KLHL6: variants seen among roughly 807,000 people sequenced by gnomAD.
The protein encoded by KLHL6 is kelch like family member 6, also known as kelch-like protein 6.
KLHL6 carries 41 observed loss-of-function variants against 58.6 expected under a neutral mutation model. The ratio of observed to expected loss-of-function variants is 0.70; its 90% confidence interval spans 0.55 to 0.91. KLHL6 has a LOEUF of 0.91. KLHL6 is among the 40% of genes least tolerant of loss of function. KLHL6 has a pLI of 0.00. For synonymous variants in KLHL6, 338 were observed against 322.7 expected (o/e 1.05, Z -0.51); for missense variants, 714 against 805.6 (o/e 0.89, Z 1.38).
intron 4 of KLHL6, among the ~76,000 whole-genome samples, chr3:183,496,460 T>G (rs1407924049): frequency 6.6e-6 from 1 of 152,332 alleles, no homozygotes; most frequent in East Asian, 1.9e-4. Context: ...AATTCACATA[T>G]GACCACTTCC....
intron 2 of KLHL6, among the ~76,000 whole-genome samples, chr3:183,511,234 G>A (rs1286827324): frequency 6.6e-6 from 1 of 152,256 alleles, no homozygotes; most frequent in Non-Finnish European, 1.5e-5. Flanking sequence ...GAGGTACTAT[G>A]CCTGGACGTG....
rs199528524 is a variant in KLHL6, at chr3:183,492,212, C to A, written c.1581G>T (p.Ala527=). The A allele has an allele frequency of 8.7e-6, 14 of 1,604,158 alleles. No individual in the cohort carries two copies. Among genetic ancestry groups the A allele is most frequent in the Non-Finnish European group, 1.2e-5 (14 of 1,173,946 alleles). Residue 527 remains alanine, a synonymous_variant, in exon 7 of 7, where the codon GCG becomes GCT. Transcript: ENST00000341319. The surrounding 1 kb of genome is among the most constrained non-coding windows in gnomAD (Gnocchi z 5.9). Reference sequence around the variant, plus strand: ...CTTCCAGCGGGCTGTAGGCGTACAGCGCTCTCATGGCCCCACCTGAGGAGA... The same window carrying A: ...CTTCCAGCGGGCTGTAGGCGTACAGAGCTCTCATGGCCCCACCTGAGGAGA... ...RIYVVGGAMR[A]LYAYSPLEDS... is the part of the protein sequence containing the mutation.
At chr3:183,517,338 A>G (rs887487888) in intron 2 of KLHL6, among the ~76,000 whole-genome samples, 2 of 152,208 alleles carry the variant, frequency 1.3e-5, no homozygotes, top group Admixed American at 1.3e-4. Context: ...GTGAATTACC[A>G]TTGATTCTAA....
In KLHL6 at chr3:183,555,453, C is replaced by T. The variant is rs1441304959; in HGVS notation, c.201G>A (p.Met67Ile). ...ILQNGLETLR[M>I]ENALTDVILC... ...AGATGACATCTGTCAGAGCGTTTTC[C>T]ATTCGCAGGGTTTCCAGGCCATTCT... Residue 67 changes from methionine (M) to isoleucine (I), a missense_variant, in exon 1 of 7, where the codon ATG (methionine) becomes ATA (isoleucine). Physicochemically the swap from Met to Ile is conservative, Grantham distance 10. Coordinates refer to ENST00000341319, the MANE Select transcript of KLHL6 (RefSeq NM_130446.4). 3 of 1,614,176 alleles carry T rather than the reference C, an allele frequency of 1.9e-6. No homozygotes were observed. Among genetic ancestry groups the T allele is most frequent in the South Asian group, 1.1e-5 (1 of 91,086 alleles).
chr3:183,534,131 T>TAAAAGTAAAGTACTTTTAAA (rs10663153), intron 1 of KLHL6, among the ~76,000 whole-genome samples: 4 of 28,684 alleles, frequency 1.4e-4, no homozygotes, highest in Non-Finnish European at 3.9e-4. Context: ...TAAAGTACTT[T>TAAAAGTAAAGTACTTTTAAA]GTACTTTTAA....
chr3:183,550,847 G>A (rs752308861), intron 1 of KLHL6, among the ~76,000 whole-genome samples: 9 of 151,416 alleles, frequency 5.9e-5, no homozygotes, highest in East Asian at 5.9e-4. Flanking sequence ...TGGGCTGGGC[G>A]CAGTGGCTCA....
At chr3:183,538,491 G>A (rs1712438340) in intron 1 of KLHL6, among the ~76,000 whole-genome samples, 1 of 152,072 alleles carries the variant, frequency 6.6e-6, no homozygotes, top group South Asian at 2.1e-4. Flanking sequence ...GTGTGGCGGT[G>A]GCTTTAACAT....
At chr3:183,506,921 G>A (rs2108673434) in intron 3 of KLHL6, among the ~76,000 whole-genome samples, 1 of 144,892 alleles carries the variant, frequency 6.9e-6, no homozygotes, top group Middle Eastern at 3.5e-3. Flanking sequence ...GAGTTTTGAA[G>A]TAGGAGTAGA....
intron 2 of KLHL6, among the ~76,000 whole-genome samples, chr3:183,525,429 C>T (rs1163831327): frequency 6.6e-6 from 1 of 152,174 alleles, no homozygotes; most frequent in East Asian, 1.9e-4. Flanking sequence ...AAAAACCACA[C>T]AACTGATGGG....
rs542834080 is a variant in KLHL6 at position 183,538,265 on chromosome 3, T to C, written c.294-10255A>G. Among the ~76,000 whole-genome samples the C allele has an allele frequency of 3.9e-5, 6 of 152,276 alleles. No individual in the cohort carries two copies. In the South Asian group the frequency reaches 1.2e-3, roughly 32 times the overall value. Reference sequence around the variant, plus strand: ...TATTTCACCCAGCCCGACTCCATTATAGCTGACCCCTTCCCTAGAACTCCA... The same window carrying C: ...TATTTCACCCAGCCCGACTCCATTACAGCTGACCCCTTCCCTAGAACTCCA... On this transcript the variant is annotated intron_variant, in intron 1 of 6. Transcript: ENST00000341319.
intron 1 of KLHL6, among the ~76,000 whole-genome samples, chr3:183,545,782 A>G (rs563358751): frequency 3.5e-4 from 53 of 152,344 alleles, no homozygotes; most frequent in Non-Finnish European, 4.4e-4. Context: ...GGTTCAATCC[A>G]TAATATTCTG....
At chr3:183,531,682 G>A (rs530187528) in intron 1 of KLHL6, among the ~76,000 whole-genome samples, 4 of 152,080 alleles carry the variant, frequency 2.6e-5, no homozygotes, top group Admixed American at 2.6e-4. Flanking sequence ...TCCTGACCTT[G>A]TGATCTGCCC....
intron 2 of KLHL6, among the ~76,000 whole-genome samples, chr3:183,523,972 G>C (rs1388632930): frequency 6.6e-6 from 1 of 152,028 alleles, no homozygotes. Flanking sequence ...TGTTGGCCAG[G>C]CTGGTCTGGA....
chr3:183,519,895 C>CAAAAAAAA (rs56101517), intron 2 of KLHL6, among the ~76,000 whole-genome samples: 17 of 83,166 alleles, frequency 2.0e-4, no homozygotes, highest in East Asian at 4.2e-4. Flanking sequence ...AACCCTGTCT[C>CAAAAAAAA]AAAAAAAAAA....
At position 183,508,065 on chromosome 3, in the gene KLHL6, G is replaced by T. The variant is rs112058327; in HGVS notation, c.903C>A (p.Gly301=). The T allele has an allele frequency of 6.8e-6, 11 of 1,613,232 alleles. No homozygotes were observed. In the East Asian group the frequency reaches 1.6e-4, roughly 23 times the overall value. ...LQEARMYHLS[G]NEIISERTKP... ...CCTCTTATCTTCTACTCACCTCATTGCCAGAAAGGTGGTACATCCTGGCTT... is the reference window on the plus strand; with the variant it reads ...CCTCTTATCTTCTACTCACCTCATTTCCAGAAAGGTGGTACATCCTGGCTT... Residue 301 remains glycine (G), a synonymous_variant, in exon 3 of 7, where the codon GGC becomes GGA. Transcript: ENST00000341319.
At chr3:183,542,881 TGG>T (rs1712597617) in intron 1 of KLHL6, among the ~76,000 whole-genome samples, 1 of 151,642 alleles carries the variant, frequency 6.6e-6, no homozygotes, top group Non-Finnish European at 1.5e-5. Context: ...GATGGATGGA[TGG>T]ATGGATGGAT....
intron 1 of KLHL6, among the ~76,000 whole-genome samples, chr3:183,550,271 G>A (rs1051265551): frequency 6.6e-6 from 1 of 152,176 alleles, no homozygotes; most frequent in Non-Finnish European, 1.5e-5. Context: ...CACATCTACT[G>A]AATAAGTGAT....
chr3:183,492,571 C>T lies in KLHL6; in HGVS notation c.1487G>A (p.Trp496Ter). 1 of 1,614,236 alleles carries T rather than the reference C, an allele frequency of 6.2e-7. No homozygotes were observed. The highest frequency in any genetic ancestry group is 8.5e-7 in the Non-Finnish European group (1 of 1,180,046). ...TQCYDPSTNK[W>*]SLKAAMPVEA... ...CACGGGCATGGCCGCCTTCAAACTC[C>T]ACTTGTTGGTGGAAGGGTCATAACA... is the stretch of plus-strand genomic sequence containing the variant. Residue 496 changes from tryptophan to a stop codon, truncating the protein, a stop_gained, in exon 6 of 7, where the codon TGG (tryptophan) becomes TAG (stop). Coordinates refer to ENST00000341319, the MANE Select transcript of KLHL6 (RefSeq NM_130446.4). LOFTEE classifies it high-confidence loss of function. This position sits in a 1 kb window ranked among gnomAD's most constrained non-coding sequence, Gnocchi z 5.9.
Position 183,539,058 on chromosome 3 carries a change from T to G in KLHL6, c.294-11048A>C, listed in dbSNP as rs75291542. Among the ~76,000 whole-genome samples, 639 of 152,298 alleles carry G rather than the reference T, an allele frequency of 4.2e-3. 5 individuals are homozygous for G. Among genetic ancestry groups the G allele is most frequent in the African/African-American group, 0.015 (608 of 41,568 alleles). ...AGTAGGGCTGGAGGTATGTATTTAA[T>G]TAGGTGTCCCTGGCTCCGACTCATA... On this transcript the variant is annotated intron_variant, in intron 1 of 6. Transcript: ENST00000341319.
Sources: gnomAD v4.1 joint callset for allele counts (sites outside exome capture counted in the v4.1 genomes callset) on GRCh38, gnomAD v4.1.1 for gene constraint, Gnocchi (gnomAD v3.1) non-coding constraint, MANE v1.5 for transcripts, NCBI Gene and HGNC (gene_info 2026-07-23, HGNC 2026-07-21) for gene names.